The following PRDM10 variants were observed in gnomAD, a reference collection of about 807,000 sequenced individuals.
The protein encoded by PRDM10 is PR domain zinc finger protein 10.
PRDM10 carries 65 observed loss-of-function variants against 133.1 expected under a neutral mutation model. That is an observed-to-expected ratio of 0.49 (90% CI 0.40 to 0.60). The LOEUF is 0.60. Ranked by LOEUF, PRDM10 falls within the 20% of genes least tolerant of loss-of-function variation. The pLI, the probability that PRDM10 is intolerant of heterozygous loss-of-function variation, is 0.00. For missense variants in PRDM10, 1,137 were observed against 1,507.1 expected (o/e 0.75, Z 4.07); for synonymous variants, 582 against 580.4 (o/e 1.00, Z -0.04).
In PRDM10 at chr11:130,001,271, G is replaced by A. The variant is rs569880304; in HGVS notation, c.-119+1451C>T. Among the ~76,000 whole-genome samples, 10 of 152,210 alleles carry A rather than the reference G, an allele frequency of 6.6e-5. No homozygotes were observed. The East Asian group carries it at 1.9e-3, about 29-fold the overall frequency. Reference sequence around the variant, plus strand: ...TCAAAGTGGAAGCTATTGTGATGCTGGAATGGTAGGAAGATACAAAAAAAA... The same window carrying A: ...TCAAAGTGGAAGCTATTGTGATGCTAGAATGGTAGGAAGATACAAAAAAAA... On this transcript the variant is annotated intron_variant, in intron 1 of 20. Coordinates refer to ENST00000360871, the MANE Select transcript of PRDM10 (RefSeq NM_199437.2).
At chr11:129,943,586 G>A (rs1009069165) in intron 6 of PRDM10, among the ~76,000 whole-genome samples, 1 of 152,200 alleles carries the variant, frequency 6.6e-6, no homozygotes, top group East Asian at 1.9e-4. Context: ...TGGGCCAGGA[G>A]AGGTGGCTCA....
At chr11:129,902,599 G>A (rs1949876841) in intron 20 of PRDM10, 83 bp from the exon 21 acceptor site, 1 of 1,509,168 alleles carries the variant, frequency 6.6e-7, no homozygotes, top group Non-Finnish European at 8.9e-7. Flanking sequence ...GAGATGTGAA[G>A]AAATGTCACA....
chr11:129,909,066 A>G (rs114871853), intron 19 of PRDM10, among the ~76,000 whole-genome samples: 1,548 of 152,218 alleles, frequency 0.01, 22 homozygotes, highest in African/African-American at 0.036. Context: ...CACTGAGTAC[A>G]GAGGTCAGTC....
chr11:129,987,938 T>G (rs1262793283), intron 1 of PRDM10, among the ~76,000 whole-genome samples: 1 of 152,094 alleles, frequency 6.6e-6, no homozygotes, highest in Non-Finnish European at 1.5e-5. Context: ...GAGGCGGAGC[T>G]TGCAGTGAGC....
intron 13 of PRDM10, among the ~76,000 whole-genome samples, chr11:129,919,493 T>C (rs1950458869): frequency 1.3e-5 from 2 of 152,186 alleles, no homozygotes; most frequent in Admixed American, 6.5e-5. Flanking sequence ...CTTACAGAAT[T>C]AGAAGTTCAA....
intron 18 of PRDM10, among the ~76,000 whole-genome samples, chr11:129,911,263 A>T (rs1236542620): frequency 6.6e-6 from 1 of 152,256 alleles, no homozygotes; most frequent in East Asian, 1.9e-4. Context: ...TAAGTTTAAA[A>T]ATAATGGGAG....
intron 4 of PRDM10, among the ~76,000 whole-genome samples, chr11:129,948,609 GC>G (rs796225834): frequency 1.6e-4 from 25 of 152,304 alleles, no homozygotes; most frequent in African/African-American, 5.5e-4. Context: ...TTTCTGTGGA[GC>G]CCAGATCTTC....
At chr11:129,930,976 G>A (rs751748501) in intron 11 of PRDM10, 40 bp downstream of exon 11, 1 of 1,560,360 alleles carries the variant, frequency 6.4e-7, no homozygotes, top group South Asian at 1.2e-5. Flanking sequence ...GGAGGAAGAT[G>A]AGCGGCTGGT....
At chr11:129,993,859 T>C (rs566567096) in intron 1 of PRDM10, among the ~76,000 whole-genome samples, 4 of 152,340 alleles carry the variant, frequency 2.6e-5, no homozygotes, top group African/African-American at 7.2e-5. Flanking sequence ...TCAAAGTGTT[T>C]TGCCTTTTCT....
At chr11:129,905,571 G>T in intron 20 of PRDM10, 67 bp downstream of exon 20, 1 of 1,135,546 alleles carries the variant, frequency 8.8e-7, no homozygotes, top group Non-Finnish European at 1.3e-6. Context: ...GAGATAAGTG[G>T]TGATAAGAGT....
chr11:129,996,527 GT>G (rs1293713044), intron 1 of PRDM10, among the ~76,000 whole-genome samples: 1 of 152,162 alleles, frequency 6.6e-6, no homozygotes, highest in East Asian at 1.9e-4. Context: ...GAGGGGAACC[GT>G]TTTGACAGAG....
rs917314620 is a variant in PRDM10 at position 129,947,926 on chromosome 11, T to C, written c.295-556A>G. On this transcript the variant is annotated intron_variant, in intron 4 of 20. Coordinates refer to ENST00000360871, the MANE Select transcript of PRDM10 (RefSeq NM_199437.2). This position sits in a 1 kb window ranked among gnomAD's most constrained non-coding sequence, Gnocchi z 4.6. ...AGTAGCCATACCACACTGGAGGGGG[T>C]AAATGAGTTGACCTATCCTCAACCA... The C allele has an allele frequency of 7.3e-6, 3 of 410,716 alleles. No individual in the cohort carries two copies. Among genetic ancestry groups the C allele is most frequent in the African/African-American group, 4.1e-5 (2 of 48,494 alleles). 25.4% of individuals were successfully genotyped at this position (410,716 alleles called of 1,614,324 possible). A position where few individuals can be genotyped will look rare whatever the true frequency, so the allele number is the denominator to read the frequency against.
intron 1 of PRDM10, among the ~76,000 whole-genome samples, chr11:129,970,774 G>A (rs753709897): frequency 6.6e-6 from 1 of 152,052 alleles, no homozygotes; most frequent in Non-Finnish European, 1.5e-5. Flanking sequence ...TCGAACTCCT[G>A]ACGTCAGGTG....
At chr11:129,912,011 G>A in intron 18 of PRDM10, 74 bp downstream of exon 18, 2 of 1,441,244 alleles carry the variant, frequency 1.4e-6, no homozygotes, top group East Asian at 2.5e-5. Flanking sequence ...TGAAGAGAAT[G>A]TCTTCCCTCT....
intron 1 of PRDM10, among the ~76,000 whole-genome samples, chr11:129,985,139 T>C (rs1316208473): frequency 2.6e-5 from 4 of 152,162 alleles, no homozygotes; most frequent in East Asian, 1.9e-4. Flanking sequence ...GGAATGAATA[T>C]AGTGCAGTCT....
intron 1 of PRDM10, among the ~76,000 whole-genome samples, chr11:129,977,000 C>T (rs779545206): frequency 5.3e-5 from 8 of 152,046 alleles, no homozygotes; most frequent in East Asian, 1.9e-4. Context: ...TGGCAAGGTT[C>T]GTTCCAAGAG....
At chr11:129,904,176 G>A (rs866780369) in intron 20 of PRDM10, among the ~76,000 whole-genome samples, 1,295 of 122,102 alleles carry the variant, frequency 0.011, 20 homozygotes, top group African/African-American at 0.038. Flanking sequence ...AAAAAAAAAA[G>A]GAGAAAAAAA....
intron 7 of PRDM10, among the ~76,000 whole-genome samples, chr11:129,940,555 A>G (rs1028056911): frequency 4.6e-5 from 7 of 152,234 alleles, no homozygotes; most frequent in African/African-American, 1.7e-4. Flanking sequence ...ATTAATGTTG[A>G]AAAATTTTTT....
intron 1 of PRDM10, among the ~76,000 whole-genome samples, chr11:129,997,858 AATC>A (rs1173101452): frequency 6.6e-6 from 1 of 152,212 alleles, no homozygotes; most frequent in African/African-American, 2.4e-5. Flanking sequence ...TCAAAATAAT[AATC>A]ATGCTTTTGT....
Sources: allele counts gnomAD v4.1 joint callset (sites outside exome capture counted in the v4.1 genomes callset), GRCh38; gene constraint gnomAD v4.1.1; non-coding constraint Gnocchi (gnomAD v3.1); transcripts MANE v1.5; gene names NCBI Gene and HGNC (gene_info 2026-07-23, HGNC 2026-07-21).